ADAMTS17: variants seen among roughly 807,000 people sequenced by gnomAD.
ADAMTS17 encodes the protein A disintegrin and metalloproteinase with thrombospondin motifs 17.
In ADAMTS17, 113 loss-of-function variants were observed where a neutral mutation model predicts 141.5. That is an observed-to-expected ratio of 0.80 (90% CI 0.69 to 0.93). The LOEUF (loss-of-function observed/expected upper bound fraction) is 0.93, where lower values mean the gene tolerates loss of function less well. Ranked by LOEUF, ADAMTS17 falls within the 40% of genes least tolerant of loss-of-function variation. ADAMTS17 has a pLI of 0.00. For synonymous variants in ADAMTS17, 768 were observed against 630.6 expected (o/e 1.22, Z -3.27); for missense variants, 1,659 against 1,517.9 (o/e 1.09, Z -1.54).
chr15:100,042,260 T>C (rs2031322560), intron 18 of ADAMTS17, among the ~76,000 whole-genome samples: 1 of 152,226 alleles, frequency 6.6e-6, no homozygotes, highest in South Asian at 2.1e-4. Context: ...TATGAAAGAC[T>C]CATGACAACT....
chr15:100,064,303 C>A (rs1478606471), intron 15 of ADAMTS17, among the ~76,000 whole-genome samples: 2 of 152,234 alleles, frequency 1.3e-5, no homozygotes, highest in African/African-American at 4.8e-5. Flanking sequence ...ACCAACCCTG[C>A]TGACACCTTG....
chr15:100,191,966 C>T (rs141732005), intron 8 of ADAMTS17, among the ~76,000 whole-genome samples: 6 of 152,270 alleles, frequency 3.9e-5, no homozygotes, highest in East Asian at 3.9e-4. Flanking sequence ...ATGTGACTTA[C>T]GCATTGCATG....
At position 100,341,254 on chromosome 15, in the gene ADAMTS17, G is replaced by C. The variant is rs1475555864; in HGVS notation, c.235C>G (p.Arg79Gly). The C allele has an allele frequency of 1.5e-6, 2 of 1,341,140 alleles. No individual in the cohort carries two copies. The highest frequency in any genetic ancestry group is 3.1e-5 in the African/African-American group (2 of 65,206). 83.1% of individuals were successfully genotyped at this position (1,341,140 alleles called of 1,614,324 possible). A position where few individuals can be genotyped will look rare whatever the true frequency, so the allele number is the denominator to read the frequency against. The change falls in exon 2 of 22, where the codon CGC (arginine) becomes GGC (glycine). Residue 79 changes from arginine (R) to glycine (G), a missense_variant. Physicochemically the swap from Arg to Gly is moderately radical, Grantham distance 125. Transcript: ENST00000268070. ...PAAPRARPGERALLLHLPAFG... is the reference protein window; with the variant it reads ...PAAPRARPGEGALLLHLPAFG... Reference sequence around the variant, plus strand: ...GCCGGCAGGTGCAGCAGCAGGGCGCGCTCTCCGGGCCGGGCGCGCGGGGCG... The same window carrying C: ...GCCGGCAGGTGCAGCAGCAGGGCGCCCTCTCCGGGCCGGGCGCGCGGGGCG...
chr15:99,986,514 G>C (rs1002692957), intron 20 of ADAMTS17, among the ~76,000 whole-genome samples: 1 of 152,166 alleles, frequency 6.6e-6, no homozygotes, highest in African/African-American at 2.4e-5. Flanking sequence ...GCTGGCTTGG[G>C]CTGTCAGGGT....
intron 18 of ADAMTS17, among the ~76,000 whole-genome samples, chr15:100,018,995 G>A (rs2061347397): frequency 6.6e-6 from 1 of 152,164 alleles, no homozygotes; most frequent in African/African-American, 2.4e-5. Flanking sequence ...TCTTACACAT[G>A]TGCCCAAGAA....
At chr15:100,064,551 G>A (rs896921452) in intron 15 of ADAMTS17, among the ~76,000 whole-genome samples, 1 of 152,184 alleles carries the variant, frequency 6.6e-6, no homozygotes, top group African/African-American at 2.4e-5. Context: ...GATGACAGCA[G>A]AAACCAAGCA....
rs1567619342 is a variant in ADAMTS17, at chr15:99,971,786, CGTTA to C, written c.*2612_*2615del. 1 of 152,140 alleles carries C rather than the reference CGTTA, an allele frequency of 6.6e-6. No homozygotes were observed. The highest frequency in any genetic ancestry group is 1.9e-4 in the East Asian group (1 of 5,186). 9.4% of individuals were successfully genotyped at this position (152,140 alleles called of 1,614,324 possible). Reference sequence around the variant, plus strand: ...GGTCGTGAGACTCTGGTAACACGTGCGTTAGTGACACGTGTGCAAGCACAAAGGT... The same window carrying C: ...GGTCGTGAGACTCTGGTAACACGTGCGTGACACGTGTGCAAGCACAAAGGT... On this transcript the variant is annotated 3_prime_UTR_variant, in exon 22 of 22. Coordinates refer to ENST00000268070, the MANE Select transcript of ADAMTS17 (RefSeq NM_139057.4).
rs558616181 is a variant in ADAMTS17, at chr15:100,051,218, T to G, written c.2455+354A>C. Among the ~76,000 whole-genome samples, 16 of 152,290 alleles carry G rather than the reference T, an allele frequency of 1.1e-4. 1 individual carries two copies. Among genetic ancestry groups the G allele is most frequent in the African/African-American group, 3.1e-4 (13 of 41,550 alleles). ...AATTTGGGAGCGGGCAGAGACATGC[T>G]CTGGTGCCCCTCCAGCAAGCAGCAG... On this transcript the variant is annotated intron_variant, in intron 17 of 21. Transcript: ENST00000268070.
intron 15 of ADAMTS17, among the ~76,000 whole-genome samples, chr15:100,072,847 G>A (rs976478290): frequency 3.9e-5 from 6 of 152,066 alleles, no homozygotes; most frequent in African/African-American, 1.2e-4. Context: ...ATAAGCATGG[G>A]GAAGGACTTC....
At chr15:100,177,442 G>T (rs75918706) in intron 8 of ADAMTS17, among the ~76,000 whole-genome samples, 3 of 151,968 alleles carry the variant, frequency 2.0e-5, no homozygotes, top group Non-Finnish European at 4.4e-5. Context: ...TCAAGTGTTC[G>T]GAGATTTTCC....
At position 99,997,654 on chromosome 15, in the gene ADAMTS17, T is replaced by G. The variant is rs755357010; in HGVS notation, c.2592-65A>C. On this transcript the variant is annotated intron_variant, in intron 18 of 21. Coordinates refer to ENST00000268070, the MANE Select transcript of ADAMTS17 (RefSeq NM_139057.4). This position sits in a 1 kb window ranked among gnomAD's most constrained non-coding sequence, Gnocchi z 4.7. ...AGAGGCCAGCCTCTCCGGAGGGCCT[T>G]CCGGCCGGATCCTGGAATTGCTGCC... The G allele has an allele frequency of 9.2e-5, 147 of 1,597,128 alleles. No individual in the cohort carries two copies. Among genetic ancestry groups the G allele is most frequent in the Non-Finnish European group, 1.2e-4 (146 of 1,169,100 alleles).
intron 10 of ADAMTS17, among the ~76,000 whole-genome samples, 199 bp downstream of exon 10, chr15:100,152,413 T>C (rs1178738668): frequency 6.6e-6 from 1 of 152,192 alleles, no homozygotes; most frequent in Non-Finnish European, 1.5e-5. Flanking sequence ...GGGGTACACA[T>C]GTGCAAATGC....
intron 3 of ADAMTS17, among the ~76,000 whole-genome samples, chr15:100,309,368 C>CA (rs908024801): frequency 2.0e-5 from 3 of 152,120 alleles, no homozygotes; most frequent in Non-Finnish European, 4.4e-5. Flanking sequence ...CAAAAACGCA[C>CA]AAAAAATGGA....
chr15:100,341,955 G>C lies in ADAMTS17; in HGVS notation c.-56C>G. 3.2e-6 allele frequency: 5 copies of C among 1,542,806 alleles called. No homozygotes were observed. Among genetic ancestry groups the C allele is most frequent in the Non-Finnish European group, 4.4e-6 (5 of 1,142,722 alleles). On this transcript the variant is annotated 5_prime_UTR_variant, in exon 1 of 22. Coordinates refer to ENST00000268070, the MANE Select transcript of ADAMTS17 (RefSeq NM_139057.4). Reference sequence around the variant, plus strand: ...GTGGCGGCGAAGCAGGAGCGCGCTAGGCGGCGGCGCCAGCCGGAGTGAAGC... The same window carrying C: ...GTGGCGGCGAAGCAGGAGCGCGCTACGCGGCGGCGCCAGCCGGAGTGAAGC...
intron 13 of ADAMTS17, among the ~76,000 whole-genome samples, chr15:100,110,933 AG>A: frequency 6.6e-6 from 1 of 152,192 alleles, no homozygotes; most frequent in East Asian, 1.9e-4. Context: ...GTCACCTTCC[AG>A]GCCTCCTGTC....
rs557228251 is a variant in ADAMTS17 at position 100,133,342 on chromosome 15, T to C, written c.1474-27A>G. On this transcript the variant is annotated intron_variant, in intron 10 of 21. Transcript: ENST00000268070. ...TGCAGGACAAGGGAAGGAACCATAA[T>C]TGTGGAGAACACCCACACTCACAGG... 5.1e-6 allele frequency: 8 copies of C among 1,558,392 alleles called. No individual in the cohort carries two copies. The Middle Eastern group carries it at 5.0e-4, about 98-fold the overall frequency.
chr15:100,162,032 C>T (rs1322502818), intron 8 of ADAMTS17, among the ~76,000 whole-genome samples: 2 of 152,142 alleles, frequency 1.3e-5, no homozygotes, highest in African/African-American at 4.8e-5. Context: ...TAAGAATCAT[C>T]CTAAAACAGT....
chr15:100,328,591 C>A lies in ADAMTS17; in HGVS notation c.616+2298G>T, dbSNP rs1025212706. 2.3e-4 allele frequency among the ~76,000 whole-genome samples: 35 copies of A among 152,246 alleles called. 1 individual carries two copies. Among genetic ancestry groups the A allele is most frequent in the African/African-American group, 8.2e-4 (34 of 41,532 alleles). ...CTCCCTACAGTCTTGCGTGGCTGCTCTTGTTTTAACTTGTTCCATCACACC... is the reference window on the plus strand; with the variant it reads ...CTCCCTACAGTCTTGCGTGGCTGCTATTGTTTTAACTTGTTCCATCACACC... On this transcript the variant is annotated intron_variant, in intron 3 of 21. Transcript: ENST00000268070.
intron 18 of ADAMTS17, among the ~76,000 whole-genome samples, chr15:100,005,484 C>T (rs896327577): frequency 3.3e-5 from 5 of 152,130 alleles, no homozygotes; most frequent in East Asian, 1.9e-4. Flanking sequence ...TGGCTTGGGG[C>T]GTCTTCCTCC....
Sources: gnomAD v4.1 joint callset for allele counts (sites outside exome capture counted in the v4.1 genomes callset) on GRCh38, gnomAD v4.1.1 for gene constraint, Gnocchi (gnomAD v3.1) non-coding constraint, MANE v1.5 for transcripts, NCBI Gene and HGNC (gene_info 2026-07-23, HGNC 2026-07-21) for gene names.